The following GOSR2 variants were observed in gnomAD, a reference collection of about 807,000 sequenced individuals.
GOSR2 encodes 27 kDa Golgi SNARE protein.
In GOSR2, 20 loss-of-function variants were observed where a neutral mutation model predicts 27.9. The ratio of observed to expected loss-of-function variants is 0.72; its 90% CI spans 0.50 to 1.04. The LOEUF (loss-of-function observed/expected upper bound fraction) is 1.04. Among genes scored for constraint, GOSR2 ranks in the 50% least tolerant of loss-of-function variants. The pLI, the probability that GOSR2 is intolerant of heterozygous loss-of-function variation, is 0.00. For missense variants in GOSR2, 261 were observed against 270.5 expected (o/e 0.97, Z 0.25); for synonymous variants, 91 against 98.8 (o/e 0.92, Z 0.47).
intron 1 of GOSR2, among the ~76,000 whole-genome samples, chr17:46,928,415 G>T (rs989305923): frequency 6.6e-6 from 1 of 152,132 alleles, no homozygotes; most frequent in Non-Finnish European, 1.5e-5. Context: ...AGTCCAGCAG[G>T]CCCCCTTCAT....
intron 6 of GOSR2, chr17:46,963,759 A>T (rs1211942738): frequency 6.6e-6 from 1 of 152,154 alleles, no homozygotes; most frequent in Non-Finnish European, 1.5e-5. Context: ...TCACCACTGG[A>T]GAAGCTTGAG....
At chr17:46,958,491 CCTGA>C (rs2090865879) in intron 6 of GOSR2, among the ~76,000 whole-genome samples, 1 of 152,174 alleles carries the variant, frequency 6.6e-6, no homozygotes, top group East Asian at 1.9e-4. Flanking sequence ...TGTCTCACAG[CCTGA>C]CTAAGCCAAG....
At chr17:46,924,168 T>C (rs1004877202) in intron 1 of GOSR2, 3 of 293,320 alleles carry the variant, frequency 1.0e-5, no homozygotes, top group African/African-American at 6.5e-5. Flanking sequence ...TTTACTTCTC[T>C]CTATGAGTTT....
At chr17:46,968,631 C>T (rs1315789298), downstream of GOSR2, 1 of 152,466 alleles carries the variant, frequency 6.6e-6, no homozygotes, top group Non-Finnish European at 1.5e-5. Context: ...AGTTGGCTTG[C>T]TCTTGCGCAC....
intron 1 of GOSR2, among the ~76,000 whole-genome samples, chr17:46,927,045 G>A (rs74410091): frequency 0.028 from 4,311 of 152,268 alleles, 112 homozygotes; most frequent in African/African-American, 0.066. Context: ...TAGTTTCCCT[G>A]TTTCCTTATT....
chr17:46,946,018 C>T (rs1599120777), downstream of GOSR2, among the ~76,000 whole-genome samples: 1 of 152,142 alleles, frequency 6.6e-6, no homozygotes, highest in East Asian at 1.9e-4. Context: ...TCCAGGGGCC[C>T]TGGGAGACCC....
intron 1 of GOSR2, chr17:46,923,957 T>C: frequency 2.5e-6 from 1 of 398,424 alleles, no homozygotes; most frequent in Non-Finnish European, 4.4e-6. Context: ...CGGAATTTTA[T>C]GATTTTTATT....
At chr17:46,971,375 A>G (rs1266094577), downstream of GOSR2, among the ~76,000 whole-genome samples, 1 of 152,090 alleles carries the variant, frequency 6.6e-6, no homozygotes, top group East Asian at 1.9e-4. Context: ...GAAAAATATA[A>G]TAAGGACACA....
At chr17:46,943,426 C>T (rs1204346796), downstream of GOSR2, among the ~76,000 whole-genome samples, 1 of 152,214 alleles carries the variant, frequency 6.6e-6, no homozygotes, top group Non-Finnish European at 1.5e-5. Context: ...TCAGAACATG[C>T]CACACACTCA....
chr17:46,943,292 CCT>C (rs1357783485), downstream of GOSR2, among the ~76,000 whole-genome samples: 4 of 152,192 alleles, frequency 2.6e-5, no homozygotes, highest in Non-Finnish European at 5.9e-5. Flanking sequence ...TTAACTGACA[CCT>C]CTCTGCTGAG....
intron 4 of GOSR2, among the ~76,000 whole-genome samples, chr17:46,934,019 C>T (rs1292317615): frequency 6.6e-5 from 10 of 152,050 alleles, no homozygotes; most frequent in East Asian, 1.9e-4. Context: ...GAGAAGGGAA[C>T]GCTCTCACAG....
At chr17:46,930,938 A>C in intron 2 of GOSR2, 161 bp from the exon 3 acceptor site, 1 of 634,976 alleles carries the variant, frequency 1.6e-6, no homozygotes. Flanking sequence ...TTACGGCCTA[A>C]CTTGAATTTT....
At chr17:46,968,088 C>T (rs564812113), downstream of GOSR2, among the ~76,000 whole-genome samples, 5 of 152,082 alleles carry the variant, frequency 3.3e-5, no homozygotes, top group Non-Finnish European at 7.4e-5. Flanking sequence ...GGGCATATGG[C>T]ATGGCCCAGT....
chr17:46,957,861 G>A (rs2090820151), intron 6 of GOSR2, among the ~76,000 whole-genome samples: 2 of 152,178 alleles, frequency 1.3e-5, no homozygotes, highest in South Asian at 4.1e-4. Flanking sequence ...GGAGGAGGAT[G>A]AGCACTCAGG....
At chr17:46,930,667 T>A (rs201339447) in intron 2 of GOSR2, 8 of 146,692 alleles carry the variant, frequency 5.5e-5, no homozygotes, top group Non-Finnish European at 7.4e-5. Flanking sequence ...TTTTTTTAAA[T>A]AAAAAAAAAA....
intron 1 of GOSR2, chr17:46,923,654 T>C (rs1280093078): frequency 9.1e-7 from 1 of 1,094,352 alleles, no homozygotes; most frequent in African/African-American, 1.6e-5. Context: ...AAAGTATTTG[T>C]ATTCTTATTC....
downstream of GOSR2, among the ~76,000 whole-genome samples, chr17:46,944,879 C>A (rs1390763786): frequency 1.3e-5 from 2 of 152,148 alleles, no homozygotes; most frequent in East Asian, 3.9e-4. Flanking sequence ...GGATTACTGG[C>A]ATAAGCCACC....
intron 1 of GOSR2, 160 bp downstream of exon 1, chr17:46,923,381 C>T: frequency 6.8e-7 from 1 of 1,467,066 alleles, no homozygotes; most frequent in South Asian, 1.4e-5. Context: ...CTTGGCGGGA[C>T]TCCCAGGTCA....
intron 2 of GOSR2, chr17:46,930,198 A>G (rs973181995): frequency 2.0e-5 from 3 of 152,868 alleles, no homozygotes; most frequent in Non-Finnish European, 4.4e-5. Context: ...GCAGCTTCAA[A>G]AGCAGCTCTG....
Sources: allele counts gnomAD v4.1 joint callset (sites outside exome capture counted in the v4.1 genomes callset), GRCh38; gene constraint gnomAD v4.1.1; transcripts MANE v1.5; gene names NCBI Gene and HGNC (gene_info 2026-07-23, HGNC 2026-07-21).